The following ROS1 variants were observed in gnomAD, a reference collection of about 807,000 sequenced individuals.
ROS1 encodes proto-oncogene tyrosine-protein kinase ROS.
In ROS1, 263 loss-of-function variants were observed where a neutral mutation model predicts 273.5. That is an observed-to-expected ratio of 0.96 (90% CI 0.87 to 1.06). ROS1 has a LOEUF of 1.06. Among genes scored for constraint, ROS1 ranks in the 50% least tolerant of loss-of-function variants. The probability of loss-of-function intolerance (pLI) is 0.00; values close to 1 mark genes in which losing one functional copy is unlikely to be tolerated. For missense variants in ROS1, 2,833 were observed against 2,751.1 expected, an observed-to-expected ratio of 1.03 and a Z score of -0.67; for synonymous variants, 1,008 against 954.1, an observed-to-expected ratio of 1.06 and a Z score of -1.04.
rs761936637 is a variant in ROS1 at position 117,383,340 on chromosome 6, G to A, written c.2458C>T (p.Gln820Ter). 6.2e-7 allele frequency: 1 copy of A among 1,613,466 alleles called. No homozygotes were observed. The highest frequency in any genetic ancestry group is 1.3e-5 in the African/African-American group (1 of 74,892). The change falls in exon 17 of 44, where the codon CAG (glutamine) becomes TAG (stop). Residue 820 changes from glutamine (Q) to a stop codon, truncating the protein, a stop_gained. Coordinates refer to ENST00000368507, the MANE Select transcript of ROS1 (RefSeq NM_001378902.1). LOFTEE classifies it high-confidence loss of function. ...ACCTTTTTCCCAGAAAACCAAGGCT[G>A]TGTCTGTAGTACAAGGGAACTTTCC... ...NGESSLVLQT[Q>*]PWFSGKKVIA...
At chr6:117,312,567 C>A (rs1775621472) in intron 39 of ROS1, among the ~76,000 whole-genome samples, 1 of 152,124 alleles carries the variant, frequency 6.6e-6, no homozygotes, top group African/African-American at 2.4e-5. Context: ...ACAAAACCTA[C>A]TCTACCTGTG....
chr6:117,406,864 G>A (rs1774447287), intron 5 of ROS1, among the ~76,000 whole-genome samples: 1 of 152,098 alleles, frequency 6.6e-6, no homozygotes, highest in Non-Finnish European at 1.5e-5. Context: ...CTGTGTACCT[G>A]TTGGGCACTG....
At chr6:117,336,205 G>A (rs557166182) in intron 32 of ROS1, among the ~76,000 whole-genome samples, 59 of 152,032 alleles carry the variant, frequency 3.9e-4, no homozygotes, top group African/African-American at 1.3e-3. Context: ...TGTGCAGGAC[G>A]TGAAGGTTTG....
chr6:117,419,241 A>G (rs1224459199), intron 1 of ROS1, among the ~76,000 whole-genome samples: 2 of 152,200 alleles, frequency 1.3e-5, no homozygotes, highest in East Asian at 3.9e-4. Context: ...ACTGCCTGCT[A>G]GAAACAGGTG....
At chr6:117,329,798 C>T (rs111265371) in intron 32 of ROS1, among the ~76,000 whole-genome samples, 1 of 152,104 alleles carries the variant, frequency 6.6e-6, no homozygotes, top group Non-Finnish European at 1.5e-5. Context: ...AGCAGGCTAC[C>T]CAGCCGGGGA....
chr6:117,366,343 G>A (rs760256808), intron 18 of ROS1, 53 bp from the exon 19 acceptor site: 1 of 1,313,484 alleles, frequency 7.6e-7, no homozygotes, highest in South Asian at 1.2e-5. Context: ...TGGAAGGGCT[G>A]GTCCATGCAA....
intron 1 of ROS1, among the ~76,000 whole-genome samples, chr6:117,423,161 A>G (rs1227938700): frequency 2.6e-5 from 4 of 152,134 alleles, no homozygotes; most frequent in Non-Finnish European, 5.9e-5. Context: ...GACTTAGGGG[A>G]AAGAGTGGGA....
At chr6:117,403,851 T>C (rs1774158657) in intron 6 of ROS1, among the ~76,000 whole-genome samples, 1 of 149,928 alleles carries the variant, frequency 6.7e-6, no homozygotes, top group Non-Finnish European at 1.5e-5. Flanking sequence ...ACAGAGCAGC[T>C]GAGATTAAAG....
At chr6:117,326,482 T>A (rs2128582617) in intron 33 of ROS1, 68 bp from the exon 34 acceptor site, 1 of 985,334 alleles carries the variant, frequency 1.0e-6, no homozygotes, top group Non-Finnish European at 1.4e-6. Flanking sequence ...TGTTCATAGA[T>A]CTTCTTAGTG....
intron 31 of ROS1, among the ~76,000 whole-genome samples, chr6:117,340,261 A>G (rs2301485): frequency 0.097 from 14,772 of 152,108 alleles, 909 homozygotes; most frequent in Middle Eastern, 0.14. Context: ...GTGTTGTTCC[A>G]CAGTTTTCAT....
rs181844148 is a variant in ROS1 at position 117,394,415 on chromosome 6, G to T, written c.1007-69C>A. On this transcript the variant is annotated intron_variant, in intron 10 of 43. Transcript: ENST00000368507. ...CAGGACAAAAAACTTGTATGAATGAGAATTTATTTATTTAATGATTAATAA... is the reference window on the plus strand; with the variant it reads ...CAGGACAAAAAACTTGTATGAATGATAATTTATTTATTTAATGATTAATAA... 1.1e-5 allele frequency: 11 copies of T among 1,047,324 alleles called. No individual in the cohort carries two copies. In the Admixed American group the frequency reaches 3.7e-4, roughly 35 times the overall value. 64.9% of individuals were successfully genotyped at this position (1,047,324 alleles called of 1,614,324 possible). A position where few individuals can be genotyped will look rare whatever the true frequency, so the allele number is the denominator to read the frequency against.
At position 117,360,425 on chromosome 6, in the gene ROS1, A is replaced by T. The variant is rs747176674; in HGVS notation, c.3367-20T>A. 2 of 1,594,076 alleles carry T rather than the reference A, an allele frequency of 1.3e-6. No homozygotes were observed. Among genetic ancestry groups the T allele is most frequent in the Non-Finnish European group, 1.7e-6 (2 of 1,162,892 alleles). On this transcript the variant is annotated intron_variant, in intron 22 of 43. Transcript: ENST00000368507. Reference sequence around the variant, plus strand: ...CCTAACCTAAAGAAAAGGAAACAAAAATTGCATTCAGTAGTGTTCTCCGTG... The same window carrying T: ...CCTAACCTAAAGAAAAGGAAACAAATATTGCATTCAGTAGTGTTCTCCGTG...
intron 35 of ROS1, among the ~76,000 whole-genome samples, chr6:117,322,807 T>C (rs1771647454): frequency 6.6e-6 from 1 of 152,188 alleles, no homozygotes; most frequent in South Asian, 2.1e-4. Flanking sequence ...AGAACCGAAT[T>C]AGCTTAGCTA....
intron 43 of ROS1, chr6:117,299,743 G>T (rs1237943285): frequency 6.6e-6 from 1 of 152,128 alleles, no homozygotes; most frequent in East Asian, 1.9e-4. Context: ...ATAACAAGAA[G>T]TTCTAGATAA....
In ROS1 at chr6:117,288,578, G is replaced by GT. The variant is rs756068637; in HGVS notation, c.6939dup (p.Gln2314ThrfsTer11). 6.2e-7 allele frequency: 1 copy of GT among 1,614,136 alleles called. No individual in the cohort carries two copies. The highest frequency in any genetic ancestry group is 1.3e-5 in the African/African-American group (1 of 75,044). On this transcript the variant is annotated frameshift_variant, in exon 44 of 44. Transcript: ENST00000368507. LOFTEE classifies it high-confidence loss of function. ...TTGCCAGAAGGGCAGTAAGCCACTT[G>GT]TTTTTCTTGGCAGAAATCTTTGTCT...
rs752321867 is a variant in ROS1 at position 117,288,455 on chromosome 6, G to A, written c.*37C>T. The A allele has an allele frequency of 2.0e-6, 3 of 1,518,776 alleles. No individual in the cohort carries two copies. Among genetic ancestry groups the A allele is most frequent in the East Asian group, 4.5e-5 (2 of 44,374 alleles). The allele number at this position is 1,518,776 out of a possible 1,614,324, so 94.1% of individuals were successfully genotyped here. On this transcript the variant is annotated 3_prime_UTR_variant, in exon 44 of 44. Coordinates refer to ENST00000368507, the MANE Select transcript of ROS1 (RefSeq NM_001378902.1). The stretch of plus-strand genomic sequence containing the variant: ...TTCTTTCAGTAACTACTGAATGAGA[G>A]TGTTTATCTCAACTCTCTATTTCCC...
At chr6:117,291,707 G>A (rs535579255) in intron 43 of ROS1, among the ~76,000 whole-genome samples, 1 of 152,330 alleles carries the variant, frequency 6.6e-6, no homozygotes, top group Admixed American at 6.5e-5. Context: ...ACATAGCACA[G>A]TGAGTGGCAC....
intron 28 of ROS1, 126 bp downstream of exon 28, chr6:117,343,934 T>C: frequency 1.4e-6 from 1 of 694,120 alleles, no homozygotes; most frequent in Non-Finnish European, 2.4e-6. Flanking sequence ...GATGAATCAT[T>C]AGCTGTAAAA....
Position 117,360,360 on chromosome 6 carries a change from C to T in ROS1, c.3412G>A (p.Val1138Ile), listed in dbSNP as rs768658324. Reference sequence around the variant, plus strand: ...CAAATACCTGATGTTGTAGACTTTACAACGTCAGCATATGGTCCTGGCCCC... The same window carrying T: ...CAAATACCTGATGTTGTAGACTTTATAACGTCAGCATATGGTCCTGGCCCC... The part of the protein sequence containing the change: ...SKGPGPYADV[V>I]KSTTSEINPF... The change falls in exon 23 of 44, where the codon GTA becomes ATA. Residue 1138 changes from valine to isoleucine, a missense_variant. Val to Ile is a conservative substitution (Grantham distance 29). Transcript: ENST00000368507. 1.2e-6 allele frequency: 2 copies of T among 1,612,960 alleles called. No individual in the cohort carries two copies. The highest frequency in any genetic ancestry group is 1.7e-6 in the Non-Finnish European group (2 of 1,179,614).
Sources: gnomAD v4.1 joint callset for allele counts (sites outside exome capture counted in the v4.1 genomes callset) on GRCh38, gnomAD v4.1.1 for gene constraint, MANE v1.5 for transcripts, NCBI Gene and HGNC (gene_info 2026-07-23, HGNC 2026-07-21) for gene names.